The following PIP5K1B variants were observed in gnomAD, a reference collection of about 807,000 sequenced individuals.
PIP5K1B encodes phosphatidylinositol-4-phosphate 5-kinase type 1 beta.
Under a neutral mutation model 67.0 loss-of-function variants are expected in PIP5K1B, and 42 were observed. That is an observed-to-expected ratio of 0.63 (90% CI 0.49 to 0.81). The LOEUF is 0.81. Ranked by LOEUF, PIP5K1B falls within the 30% of genes least tolerant of loss-of-function variation. The pLI, the probability that PIP5K1B is intolerant of heterozygous loss-of-function variation, is 0.00. For missense variants in PIP5K1B, 459 were observed against 646.3 expected (o/e 0.71, Z 3.14); for synonymous variants, 214 against 231.4 (o/e 0.92, Z 0.68).
intron 1 of PIP5K1B, among the ~76,000 whole-genome samples, chr9:68,707,086 T>A (rs1827160214): frequency 6.6e-6 from 1 of 152,056 alleles, no homozygotes; most frequent in South Asian, 2.1e-4. Flanking sequence ...GGAGGTTGAG[T>A]GAGTTTCATG....
chr9:68,992,878 G>A (rs1018812523), intron 15 of PIP5K1B, among the ~76,000 whole-genome samples: 20 of 136,682 alleles, frequency 1.5e-4, no homozygotes, highest in Non-Finnish European at 2.3e-4. Flanking sequence ...AAAAGTCCTG[G>A]CTGGGCGCAG....
At chr9:68,981,418 A>G (rs529155803) in intron 14 of PIP5K1B, among the ~76,000 whole-genome samples, 1 of 150,808 alleles carries the variant, frequency 6.6e-6, no homozygotes, top group East Asian at 2.0e-4. Flanking sequence ...GGGAATCGCC[A>G]GAAAATATTA....
chr9:68,722,153 T>C (rs1827919729), intron 1 of PIP5K1B, among the ~76,000 whole-genome samples: 1 of 152,166 alleles, frequency 6.6e-6, no homozygotes, highest in Non-Finnish European at 1.5e-5. Context: ...GCAGGGATCA[T>C]ATCTTTGCCT....
intron 15 of PIP5K1B, among the ~76,000 whole-genome samples, chr9:68,997,037 C>A (rs556353676): frequency 6.6e-6 from 1 of 152,164 alleles, no homozygotes; most frequent in African/African-American, 2.4e-5. Flanking sequence ...TTTTTAGCCA[C>A]GCCAGTATTG....
At chr9:68,752,128 TG>T (rs1679878903) in intron 2 of PIP5K1B, among the ~76,000 whole-genome samples, 1 of 152,230 alleles carries the variant, frequency 6.6e-6, no homozygotes, top group Non-Finnish European at 1.5e-5. Flanking sequence ...TAAAATTTTA[TG>T]GTAATAAATT....
At chr9:68,824,327 TCA>T in intron 4 of PIP5K1B, 1 of 509,876 alleles carries the variant, frequency 2.0e-6, no homozygotes, top group Non-Finnish European at 3.9e-6. Flanking sequence ...CCATGACATC[TCA>T]GAGTTTGCTA....
chr9:68,902,738 A>T (rs866609495), intron 8 of PIP5K1B, among the ~76,000 whole-genome samples: 2 of 152,200 alleles, frequency 1.3e-5, no homozygotes, highest in African/African-American at 4.8e-5. Flanking sequence ...GCAGTGGATG[A>T]ATGATCCATT....
chr9:68,827,720 A>G (rs1204682315), intron 4 of PIP5K1B, among the ~76,000 whole-genome samples: 1 of 152,224 alleles, frequency 6.6e-6, no homozygotes, highest in East Asian at 1.9e-4. Flanking sequence ...ATTTCCAATC[A>G]GTGCGACTAC....
chr9:68,872,169 G>A (rs1217474545), intron 5 of PIP5K1B, among the ~76,000 whole-genome samples: 4 of 152,202 alleles, frequency 2.6e-5, no homozygotes, highest in African/African-American at 4.8e-5. Context: ...CTGTGCTGTG[G>A]AGATTCTGTG....
chr9:68,835,609 A>G (rs1425578984), intron 4 of PIP5K1B, among the ~76,000 whole-genome samples: 1 of 152,194 alleles, frequency 6.6e-6, no homozygotes, highest in East Asian at 1.9e-4. Flanking sequence ...GGCCCCAATA[A>G]TACTGCCACC....
At chr9:68,819,182 C>G (rs539593350) in intron 3 of PIP5K1B, among the ~76,000 whole-genome samples, 1 of 152,342 alleles carries the variant, frequency 6.6e-6, no homozygotes, top group South Asian at 2.1e-4. Flanking sequence ...AAACTCAGTG[C>G]AGTCAGCCCT....
At chr9:68,780,950 C>G (rs1321953830) in intron 2 of PIP5K1B, 1 of 1,613,982 alleles carries the variant, frequency 6.2e-7, no homozygotes, top group Non-Finnish European at 8.5e-7. Flanking sequence ...CGAAAGTCAG[C>G]ACTACCACCG....
At chr9:68,723,185 AGAGAGAGAGAGAGG>A (rs1394591309) in intron 1 of PIP5K1B, among the ~76,000 whole-genome samples, 1,374 of 35,224 alleles carry the variant, frequency 0.039, 12 homozygotes, top group Middle Eastern at 0.069. Flanking sequence ...TGTGTGAGAG[AGAGAGAGAGAGAGG>A]GAGAGAGAGA....
At chr9:68,815,200 C>A (rs1193401309) in intron 2 of PIP5K1B, among the ~76,000 whole-genome samples, 6 of 150,130 alleles carry the variant, frequency 4.0e-5, no homozygotes, top group African/African-American at 1.5e-4. Flanking sequence ...CATTTCACAT[C>A]AAAACTTATG....
rs187361733 is a variant in PIP5K1B, at chr9:69,008,672, A to C, written c.*223A>C. The C allele has an allele frequency of 2.6e-5, 14 of 548,816 alleles. No homozygotes were observed. The highest frequency in any genetic ancestry group is 2.4e-4 in the African/African-American group (13 of 53,364). 34.0% of individuals were successfully genotyped at this position (548,816 alleles called of 1,614,324 possible). ...TTCTATCATTTGCTGTTGCTTGCTG[A>C]ACTGTGAAGAACTGCATGAACTATA... is the stretch of plus-strand genomic sequence containing the variant. On this transcript the variant is annotated 3_prime_UTR_variant, in exon 16 of 16. Coordinates refer to ENST00000265382, the MANE Select transcript of PIP5K1B (RefSeq NM_003558.4).
At chr9:68,963,378 C>A in intron 14 of PIP5K1B, 1 of 327,390 alleles carries the variant, frequency 3.1e-6, no homozygotes, top group South Asian at 2.5e-5. Flanking sequence ...TGGTGCATGC[C>A]TGTAACCCCA....
intron 14 of PIP5K1B, among the ~76,000 whole-genome samples, chr9:68,981,782 G>A (rs939667821): frequency 1.3e-5 from 2 of 151,332 alleles, no homozygotes; most frequent in African/African-American, 4.9e-5. Flanking sequence ...TAATGTTGCT[G>A]ATAACCAAAA....
chr9:68,829,242 ATTC>A lies in PIP5K1B; in HGVS notation c.69+6565_69+6567del, dbSNP rs1410869436. The stretch of plus-strand genomic sequence containing the variant: ...CTGGAGTGTGTTCTCTGTCCTGACC[ATTC>A]TTCTTTTCCTTCAGATTCTGGAAAG... On this transcript the variant is annotated intron_variant, in intron 4 of 15. Transcript: ENST00000265382. Among the ~76,000 whole-genome samples, 17 of 152,332 alleles carry A rather than the reference ATTC, an allele frequency of 1.1e-4. No individual in the cohort carries two copies. The South Asian group carries it at 3.5e-3, about 32-fold the overall frequency.
At chr9:68,756,207 C>T (rs1268185844) in intron 2 of PIP5K1B, among the ~76,000 whole-genome samples, 1 of 152,208 alleles carries the variant, frequency 6.6e-6, no homozygotes, top group Non-Finnish European at 1.5e-5. Flanking sequence ...CAGCATGTCT[C>T]CTTCTATTGT....
Sources: allele counts gnomAD v4.1 joint callset (sites outside exome capture counted in the v4.1 genomes callset), GRCh38; gene constraint gnomAD v4.1.1; transcripts MANE v1.5; gene names NCBI Gene and HGNC (gene_info 2026-07-23, HGNC 2026-07-21).